The following TTPAL variants were observed in gnomAD, a reference collection of about 807,000 sequenced individuals.
TTPAL encodes the protein alpha-tocopherol transfer protein-like.
A neutral mutation model predicts 28.7 loss-of-function variants in TTPAL; 21 were observed. That is an observed-to-expected ratio of 0.73 (90% CI 0.52 to 1.06). TTPAL has a LOEUF of 1.06. Ranked by LOEUF, TTPAL falls within the 50% of genes least tolerant of loss-of-function variation. The probability of loss-of-function intolerance (pLI) is 0.00; values close to 1 mark genes in which losing one functional copy is unlikely to be tolerated. For synonymous variants in TTPAL, 169 were observed against 171.9 expected (o/e 0.98, Z 0.13); for missense variants, 345 against 425.5 (o/e 0.81, Z 1.67).
In TTPAL at chr20:44,489,177, AT is replaced by A. The variant is rs530251972; in HGVS notation, c.751-83del. 246 of 1,425,150 alleles carry A rather than the reference AT, an allele frequency of 1.7e-4. 4 individuals are homozygous for A. In the South Asian group the frequency reaches 3.2e-3, roughly 19 times the overall value. The allele number at this position is 1,425,150 out of a possible 1,614,324, so 88.3% of individuals were successfully genotyped here. On this transcript the variant is annotated intron_variant, in intron 4 of 4. Transcript: ENST00000262605. ...CATTTCCTTTCTTCATTCAACAGATATTTATTTGAGCACCTACCATGGAGGA... is the reference window on the plus strand; with the variant it reads ...CATTTCCTTTCTTCATTCAACAGATATTATTTGAGCACCTACCATGGAGGA...
intron 4 of TTPAL, among the ~76,000 whole-genome samples, chr20:44,487,231 A>C (rs1478752482): frequency 6.6e-6 from 1 of 151,814 alleles, no homozygotes; most frequent in South Asian, 2.1e-4. Flanking sequence ...GCAGTGAGCC[A>C]AGATCATGCC....
At chr20:44,477,624 T>C (rs907181380) in intron 1 of TTPAL, among the ~76,000 whole-genome samples, 2 of 150,830 alleles carry the variant, frequency 1.3e-5, no homozygotes, top group African/African-American at 4.9e-5. Flanking sequence ...AATATATTTT[T>C]ATTTATTTAT....
rs2064134873 is a variant in TTPAL at position 44,484,527 on chromosome 20, C to A, written c.636C>A (p.Leu212=). The stretch of plus-strand genomic sequence containing the variant: ...TAGCCAAAAAGGTGATTGGCATCCT[C>A]CAGGTAAGACCCGTATGTGTCCTGC... The part of the protein sequence containing the change: ...PFIAKKVIGI[L]QDGFPIRIKA... Residue 212 remains leucine (L), a synonymous_variant, in exon 3 of 5, where the codon CTC becomes CTA. Transcript: ENST00000262605. 1 of 1,564,470 alleles carries A rather than the reference C, an allele frequency of 6.4e-7. No individual in the cohort carries two copies. The highest frequency in any genetic ancestry group is 8.8e-7 in the Non-Finnish European group (1 of 1,141,444).
In TTPAL at chr20:44,475,890, GAGGCCGGGC is replaced by G. The variant is rs542264871; in HGVS notation, c.-104_-96del. On this transcript the variant is annotated 5_prime_UTR_variant, in exon 1 of 5. Transcript: ENST00000262605. ...CCCTGGATCGTCACTTCCGGCGCGA[GAGGCCGGGC>G]AGGCCGGGCAGGGAGTGCGGGTCGG... The G allele has an allele frequency of 1.1e-4, 17 of 152,394 alleles. No homozygotes were observed. The highest frequency in any genetic ancestry group is 9.7e-4 in the East Asian group (5 of 5,174). The allele number at this position is 152,394 out of a possible 1,614,324, so 9.4% of individuals were successfully genotyped here.
intron 2 of TTPAL, among the ~76,000 whole-genome samples, chr20:44,482,566 C>CTT (rs1284062663): frequency 7.0e-6 from 1 of 142,086 alleles, no homozygotes; most frequent in Non-Finnish European, 1.5e-5. Context: ...GGGCAAGACT[C>CTT]TGTCTCAAAA....
At chr20:44,477,547 T>G (rs1469539973) in intron 1 of TTPAL, among the ~76,000 whole-genome samples, 1 of 152,218 alleles carries the variant, frequency 6.6e-6, no homozygotes, top group Non-Finnish European at 1.5e-5. Context: ...CAATAGCCTC[T>G]AAATGGTCTG....
rs1159334658 is a variant in TTPAL at position 44,489,292 on chromosome 20, T to C, written c.780T>C (p.Ser260=). The C allele has an allele frequency of 2.5e-6, 4 of 1,614,202 alleles. No individual in the cohort carries two copies. The highest frequency in any genetic ancestry group is 3.4e-6 in the Non-Finnish European group (4 of 1,180,032). Residue 260 remains serine, a synonymous_variant, in exon 5 of 5, where the codon TCT becomes TCC. Transcript: ENST00000262605. The part of the protein sequence containing the change: ...RFFLHGSDLN[S]LHTNLPRSIL... The stretch of plus-strand genomic sequence containing the variant: ...TCCTCCATGGGTCTGACTTGAACTC[T>C]CTCCACACAAACCTTCCAAGAAGCA...
At chr20:44,487,473 A>G (rs1251440643) in intron 4 of TTPAL, among the ~76,000 whole-genome samples, 2 of 152,196 alleles carry the variant, frequency 1.3e-5, no homozygotes. Flanking sequence ...ATTTTTTTTA[A>G]GTTATGGTCA....
rs2064215726 is a variant in TTPAL at position 44,492,453 on chromosome 20, G to T, written c.*2912G>T. On this transcript the variant is annotated 3_prime_UTR_variant, in exon 5 of 5. Transcript: ENST00000262605. ...GCGGGCTCCACCTTTACCTTACTAC[G>T]TGGCCTTTGATGAGCTGGCTTAACA... 6.6e-6 allele frequency: 1 copy of T among 152,272 alleles called. No homozygotes were observed. Among genetic ancestry groups the T allele is most frequent in the African/African-American group, 2.4e-5 (1 of 41,410 alleles). 9.4% of individuals were successfully genotyped at this position (152,272 alleles called of 1,614,324 possible).
intron 1 of TTPAL, among the ~76,000 whole-genome samples, chr20:44,477,500 T>C (rs2064055006): frequency 1.3e-5 from 2 of 152,136 alleles, no homozygotes; most frequent in Admixed American, 1.3e-4. Flanking sequence ...GAAGGCTACC[T>C]ACTCCAGGCC....
At position 44,489,721 on chromosome 20, in the gene TTPAL, C is replaced by T. The variant is rs544805525; in HGVS notation, c.*180C>T. 22 of 627,484 alleles carry T rather than the reference C, an allele frequency of 3.5e-5. No individual in the cohort carries two copies. Among genetic ancestry groups the T allele is most frequent in the Non-Finnish European group, 5.9e-5 (22 of 370,430 alleles). The allele number at this position is 627,484 out of a possible 1,614,324, so 38.9% of individuals were successfully genotyped here. ...GGTAAGCCTTTGGTTACTTTAATTA[C>T]TCCATGGAAGACATGGAAAATGTCC... On this transcript the variant is annotated 3_prime_UTR_variant, in exon 5 of 5. Coordinates refer to ENST00000262605, the MANE Select transcript of TTPAL (RefSeq NM_001039199.3).
intron 1 of TTPAL, among the ~76,000 whole-genome samples, chr20:44,479,420 T>C (rs1048838670): frequency 7.0e-6 from 1 of 143,346 alleles, no homozygotes; most frequent in African/African-American, 2.5e-5. Context: ...TTTTTTTTTT[T>C]TTTTTTTTGA....
At chr20:44,485,490 C>A (rs1325203898) in intron 3 of TTPAL, among the ~76,000 whole-genome samples, 1 of 152,198 alleles carries the variant, frequency 6.6e-6, no homozygotes, top group Non-Finnish European at 1.5e-5. Context: ...TTCTGACCCA[C>A]CACGTGGGGT....
At position 44,492,324 on chromosome 20, in the gene TTPAL, C is replaced by T. The variant is rs2064214248; in HGVS notation, c.*2783C>T. On this transcript the variant is annotated 3_prime_UTR_variant, in exon 5 of 5. Transcript: ENST00000262605. ...CTCAAGAACTGGGAGTATGTTCCTT[C>T]AGGGAGAAGTTCTGGCCCATTGCAC... The T allele has an allele frequency of 6.6e-6, 1 of 152,346 alleles. No individual in the cohort carries two copies. The highest frequency in any genetic ancestry group is 2.1e-4 in the South Asian group (1 of 4,830). The allele number at this position is 152,346 out of a possible 1,614,324, so 9.4% of individuals were successfully genotyped here.
intron 4 of TTPAL, among the ~76,000 whole-genome samples, chr20:44,487,277 C>CA (rs11299040): frequency 1.4e-3 from 165 of 120,544 alleles, no homozygotes; most frequent in South Asian, 2.6e-3. Flanking sequence ...GAGACTGTCT[C>CA]AAAAAAAAAA....
rs1449681450 is a variant in TTPAL at position 44,494,313 on chromosome 20, A to C, written c.*4772A>C. 1 of 152,730 alleles carries C rather than the reference A, an allele frequency of 6.5e-6. No individual in the cohort carries two copies. Among genetic ancestry groups the C allele is most frequent in the African/African-American group, 2.4e-5 (1 of 41,432 alleles). The allele number at this position is 152,730 out of a possible 1,614,324, so 9.5% of individuals were successfully genotyped here. A position where few individuals can be genotyped will look rare whatever the true frequency, so the allele number is the denominator to read the frequency against. ...GCATATCAGGTAGGAACCTGTTACA[A>C]GTGAAATACTTGAAACCTCTCTGAC... On this transcript the variant is annotated 3_prime_UTR_variant, in exon 5 of 5. Transcript: ENST00000262605.
chr20:44,481,299 C>T (rs754227369), intron 2 of TTPAL, among the ~76,000 whole-genome samples: 3 of 152,118 alleles, frequency 2.0e-5, no homozygotes, highest in Non-Finnish European at 4.4e-5. Context: ...AATCCCCGCA[C>T]TTTGGGAGGG....
intron 2 of TTPAL, among the ~76,000 whole-genome samples, chr20:44,483,664 T>C (rs1416536581): frequency 6.6e-6 from 1 of 152,178 alleles, no homozygotes; most frequent in Non-Finnish European, 1.5e-5. Flanking sequence ...AGCACAGATG[T>C]CCATGAAGGT....
chr20:44,489,610 A>T lies in TTPAL; in HGVS notation c.*69A>T. 2.0e-6 allele frequency: 3 copies of T among 1,486,784 alleles called. No homozygotes were observed. The highest frequency in any genetic ancestry group is 2.7e-6 in the Non-Finnish European group (3 of 1,107,004). 92.1% of individuals were successfully genotyped at this position (1,486,784 alleles called of 1,614,324 possible). On this transcript the variant is annotated 3_prime_UTR_variant, in exon 5 of 5. Transcript: ENST00000262605. Reference sequence around the variant, plus strand: ...CTTTGGAGAGGCACAAGGAGAATTTAAGGGTCCATGGATTCAGTCTTGCTC... The same window carrying T: ...CTTTGGAGAGGCACAAGGAGAATTTTAGGGTCCATGGATTCAGTCTTGCTC...
Sources: allele counts gnomAD v4.1 joint callset (sites outside exome capture counted in the v4.1 genomes callset), GRCh38; gene constraint gnomAD v4.1.1; transcripts MANE v1.5; gene names NCBI Gene and HGNC (gene_info 2026-07-23, HGNC 2026-07-21).